Variants in WASHC2C observed in about 807,000 individuals in gnomAD.
WASHC2C encodes the protein WASH complex subunit 2C.
Under a neutral mutation model 142.2 loss-of-function variants are expected in WASHC2C, and 73 were observed. The ratio of observed to expected loss-of-function variants is 0.51; its 90% CI spans 0.43 to 0.62. The LOEUF is 0.62. Ranked by LOEUF, WASHC2C falls within the 20% of genes least tolerant of loss-of-function variation. The pLI is 0.00. For synonymous variants in WASHC2C, 337 were observed against 565.5 expected (o/e 0.60, Z 5.73); for missense variants, 969 against 1,531.7 (o/e 0.63, Z 6.13).
intron 13 of WASHC2C, among the ~76,000 whole-genome samples, chr10:45,754,127 A>T (rs547645970): frequency 1.3e-5 from 2 of 152,062 alleles, no homozygotes; most frequent in Admixed American, 1.3e-4. Flanking sequence ...GTTCATTCTC[A>T]TCCAACTGGA....
chr10:45,779,900 G>C (rs1199665517), intron 23 of WASHC2C, among the ~76,000 whole-genome samples: 1 of 151,876 alleles, frequency 6.6e-6, no homozygotes, highest in Non-Finnish European at 1.5e-5. Context: ...CAGGAGAATT[G>C]CTTGAACCAG....
At chr10:45,766,317 G>A (rs2055815840) in intron 19 of WASHC2C, among the ~76,000 whole-genome samples, 1 of 152,256 alleles carries the variant, frequency 6.6e-6, no homozygotes, top group Non-Finnish European at 1.5e-5. Context: ...ATAAGCTGGG[G>A]GGAGCTCAGC....
chr10:45,770,909 G>A (rs1447719472), intron 20 of WASHC2C, among the ~76,000 whole-genome samples: 6 of 152,154 alleles, frequency 3.9e-5, no homozygotes, highest in Non-Finnish European at 7.3e-5. Context: ...AATGTGAAAC[G>A]CTGAGCACAA....
At chr10:45,790,254 A>G (rs1449720352) in intron 29 of WASHC2C, 102 bp from the exon 30 acceptor site, 2 of 1,585,378 alleles carry the variant, frequency 1.3e-6, no homozygotes, top group African/African-American at 2.7e-5. Context: ...AGGCCGTTCC[A>G]CACACCCTGG....
intron 2 of WASHC2C, among the ~76,000 whole-genome samples, chr10:45,728,311 G>A (rs1357051355): frequency 1.3e-5 from 2 of 152,132 alleles, no homozygotes; most frequent in Non-Finnish European, 2.9e-5. Flanking sequence ...TTACAAGCGT[G>A]AGCCACCATA....
At chr10:45,785,782 G>A (rs141148283) in intron 26 of WASHC2C, 151 bp downstream of exon 26, 29,875 of 1,379,176 alleles carry the variant, frequency 0.022, 511 homozygotes, top group East Asian at 0.075. Flanking sequence ...CACTTCCCCC[G>A]AGTCATCTCC....
intron 17 of WASHC2C, among the ~76,000 whole-genome samples, chr10:45,762,732 C>T (rs1270746732): frequency 6.6e-6 from 1 of 151,990 alleles, no homozygotes; most frequent in African/African-American, 2.4e-5. Context: ...GGTGAAACCC[C>T]GTCTCTACTA....
intron 7 of WASHC2C, 42 bp from the exon 8 acceptor site, chr10:45,746,558 G>C: frequency 1.2e-6 from 2 of 1,607,404 alleles, no homozygotes; most frequent in Non-Finnish European, 1.7e-6. Flanking sequence ...GTGCTTCTAA[G>C]TAAAGCCCAT....
chr10:45,779,310 A>G (rs1341245277), intron 23 of WASHC2C, among the ~76,000 whole-genome samples, 175 bp downstream of exon 23: 1 of 146,460 alleles, frequency 6.8e-6, no homozygotes, highest in African/African-American at 2.4e-5. Flanking sequence ...CTCTTACCTC[A>G]AGTAGCAGTG....
intron 21 of WASHC2C, among the ~76,000 whole-genome samples, chr10:45,773,765 G>A (rs1206892069): frequency 6.6e-6 from 1 of 152,142 alleles, no homozygotes; most frequent in Non-Finnish European, 1.5e-5. Context: ...TGAACCTTGA[G>A]GCCGTTATAC....
chr10:45,738,021 G>A lies in WASHC2C; in HGVS notation c.330G>A (p.Lys110=). ...YDEEVEEPVL[K]AEAEKTEQEK... The stretch of plus-strand genomic sequence containing the variant: ...AAGAAGTGGAGGAGCCAGTACTCAA[G>A]GCTGAGGCAGAAAAAACAGAGCAGG... The change falls in exon 4 of 31, where the codon AAG becomes AAA. Residue 110 remains lysine (K), a synonymous_variant. Coordinates refer to ENST00000623400, the MANE Select transcript of WASHC2C (RefSeq NM_001330074.2). The A allele has an allele frequency of 6.2e-7, 1 of 1,611,808 alleles. No individual in the cohort carries two copies. The highest frequency in any genetic ancestry group is 8.5e-7 in the Non-Finnish European group (1 of 1,179,832).
At chr10:45,752,298 G>A (rs1306502355) in intron 11 of WASHC2C, among the ~76,000 whole-genome samples, 5 of 152,304 alleles carry the variant, frequency 3.3e-5, no homozygotes, top group Admixed American at 1.3e-4. Flanking sequence ...CGTCTGACCC[G>A]AATGCTTGCT....
At chr10:45,731,757 A>C (rs528454017) in intron 3 of WASHC2C, among the ~76,000 whole-genome samples, 31 of 151,760 alleles carry the variant, frequency 2.0e-4, no homozygotes, top group Admixed American at 1.1e-3. Flanking sequence ...ACTCTGAAAA[A>C]ATATACTTGC....
chr10:45,758,694 A>C (rs2054648557), intron 16 of WASHC2C, among the ~76,000 whole-genome samples: 2 of 149,954 alleles, frequency 1.3e-5, no homozygotes, highest in African/African-American at 4.9e-5. Context: ...TGCAGCCTCA[A>C]CCTCCTGGGT....
chr10:45,791,922 T>G (rs1234891025), intron 30 of WASHC2C, among the ~76,000 whole-genome samples: 1 of 145,984 alleles, frequency 6.9e-6, no homozygotes, highest in African/African-American at 2.5e-5. Flanking sequence ...AAACCCAGTA[T>G]GAAAAGAATA....
chr10:45,762,985 T>G (rs1554880640), intron 17 of WASHC2C, among the ~76,000 whole-genome samples: 1 of 151,600 alleles, frequency 6.6e-6, no homozygotes, highest in African/African-American at 2.4e-5. Context: ...TCCATTAATT[T>G]GGGAATCTAG....
intron 16 of WASHC2C, among the ~76,000 whole-genome samples, chr10:45,758,952 T>A (rs1395421009): frequency 4.0e-5 from 6 of 151,458 alleles, no homozygotes; most frequent in African/African-American, 9.7e-5. Context: ...GTTTTGTCTC[T>A]TTGTGTCATG....
At chr10:45,779,396 GC>G (rs554649533) in intron 23 of WASHC2C, among the ~76,000 whole-genome samples, 179 of 151,104 alleles carry the variant, frequency 1.2e-3, no homozygotes, top group Middle Eastern at 6.8e-3. Context: ...GCAAAACTTT[GC>G]CCCTTGGCCA....
At chr10:45,753,981 G>A (rs181556904) in intron 13 of WASHC2C, among the ~76,000 whole-genome samples, 2,411 of 151,636 alleles carry the variant, frequency 0.016, 85 homozygotes, top group African/African-American at 0.054. Context: ...CCTGCTGTGC[G>A]GGCTGCTAGC....
Sources: allele counts gnomAD v4.1 joint callset (sites outside exome capture counted in the v4.1 genomes callset), GRCh38; gene constraint gnomAD v4.1.1; transcripts MANE v1.5; gene names NCBI Gene and HGNC (gene_info 2026-07-23, HGNC 2026-07-21).